CSMD2: variants seen among roughly 807,000 people sequenced by gnomAD.
CSMD2 encodes the protein CUB and Sushi multiple domains 2.
A neutral mutation model predicts 398.5 loss-of-function variants in CSMD2; 130 were observed. The ratio of observed to expected loss-of-function variants is 0.33; its 90% CI spans 0.28 to 0.38. The LOEUF is 0.38. Ranked by LOEUF, CSMD2 falls within the 10% of genes least tolerant of loss-of-function variation. The pLI, the probability that CSMD2 is intolerant of heterozygous loss-of-function variation, is 1.00. For synonymous variants in CSMD2, 1,828 were observed against 1,908.5 expected (o/e 0.96, Z 1.10); for missense variants, 3,829 against 4,764.9 (o/e 0.80, Z 5.78).
chr1:33,683,947 C>G (rs141761130), intron 25 of CSMD2, among the ~76,000 whole-genome samples: 154 of 152,304 alleles, frequency 1.0e-3, no homozygotes, highest in African/African-American at 3.4e-3. Context: ...CAGAAATAAA[C>G]CCTCTGGAAG....
At chr1:33,680,483 TCCCTTTGCAGA>T (rs1275096362) in intron 25 of CSMD2, among the ~76,000 whole-genome samples, 1 of 152,148 alleles carries the variant, frequency 6.6e-6, no homozygotes, top group African/African-American at 2.4e-5. Flanking sequence ...CTGTGTTTGC[TCCCTTTGCAGA>T]CCCTTTGCTC....
At chr1:33,899,080 G>A (rs574906118) in intron 5 of CSMD2, among the ~76,000 whole-genome samples, 2 of 152,354 alleles carry the variant, frequency 1.3e-5, no homozygotes, top group African/African-American at 2.4e-5. Flanking sequence ...GACCAGCAAC[G>A]AGAAGGACGT....
rs759716683 is a variant in CSMD2, at chr1:33,567,650, A to T, written c.8323T>A (p.Ser2775Thr). The change falls in exon 53 of 71, where the codon TCT (serine) becomes ACT (threonine). Residue 2775 changes from serine to threonine, a missense_variant. Ser to Thr is a moderately conservative substitution (Grantham distance 58). This residue lies in a region of CSMD2 where 917 missense variants were observed against 1,199.5 expected (regional missense o/e 0.76). Transcript: ENST00000373381. ...TGATCCTGCTGGCAGATGCGCACAG[A>T]CATGCCGATCAGGCGGAAGCCAGCA... Reference protein sequence around the residue: ...CNAGFRLIGMSVRICQQDHHW... With the variant: ...CNAGFRLIGMTVRICQQDHHW... 2 of 1,614,164 alleles carry T rather than the reference A, an allele frequency of 1.2e-6. No homozygotes were observed. Among genetic ancestry groups the T allele is most frequent in the South Asian group, 2.2e-5 (2 of 91,076 alleles).
At chr1:34,114,949 A>C (rs1375109401) in intron 1 of CSMD2, among the ~76,000 whole-genome samples, 2 of 152,186 alleles carry the variant, frequency 1.3e-5, no homozygotes, top group Admixed American at 6.5e-5. Context: ...AGACTATAAT[A>C]ACTGAATTTA....
intron 1 of CSMD2, among the ~76,000 whole-genome samples, chr1:34,159,061 C>T (rs562824050): frequency 6.6e-6 from 1 of 152,280 alleles, no homozygotes; most frequent in Admixed American, 6.5e-5. Context: ...GCCCTGGGCT[C>T]CAAACAACCT....
intron 5 of CSMD2, among the ~76,000 whole-genome samples, chr1:33,894,492 C>T (rs1642249367): frequency 6.6e-6 from 1 of 152,118 alleles, no homozygotes; most frequent in Non-Finnish European, 1.5e-5. Context: ...TGTATAAATA[C>T]CTCAGCTCCC....
chr1:34,104,934 T>C (rs796893973), intron 1 of CSMD2, among the ~76,000 whole-genome samples: 6 of 152,302 alleles, frequency 3.9e-5, no homozygotes, highest in African/African-American at 1.4e-4. Flanking sequence ...GCCCTTTGCC[T>C]CATACGCCCT....
chr1:33,922,061 T>C (rs1039627417), intron 4 of CSMD2, among the ~76,000 whole-genome samples: 1 of 152,082 alleles, frequency 6.6e-6, no homozygotes, highest in Non-Finnish European at 1.5e-5. Flanking sequence ...ACAGGGACGC[T>C]AGAGGAGACG....
chr1:33,616,652 G>T (rs559746322), intron 39 of CSMD2, among the ~76,000 whole-genome samples: 12 of 152,296 alleles, frequency 7.9e-5, no homozygotes, highest in African/African-American at 2.9e-4. Flanking sequence ...GAGCCAGAAC[G>T]GTCATCATCA....
chr1:33,869,780 C>T (rs979172870), intron 5 of CSMD2, among the ~76,000 whole-genome samples: 1 of 152,106 alleles, frequency 6.6e-6, no homozygotes, highest in African/African-American at 2.4e-5. Flanking sequence ...GTTAGCCCTC[C>T]CCACTCTCCC....
chr1:33,729,344 C>T (rs928780947), intron 15 of CSMD2, among the ~76,000 whole-genome samples: 6 of 152,098 alleles, frequency 3.9e-5, no homozygotes, highest in African/African-American at 1.4e-4. Context: ...TCCTGTGCAC[C>T]TGTGATTGTC....
At position 33,540,799 on chromosome 1, in the gene CSMD2, C is replaced by T. The variant is rs529226966; in HGVS notation, c.9458-101G>A. On this transcript the variant is annotated intron_variant, in intron 59 of 70. Coordinates refer to ENST00000373381, the MANE Select transcript of CSMD2 (RefSeq NM_001281956.2). ...CCGACTACCCTGCACCCACCTAGAGCCTGGGCTAAACAGGAAGAACCAGAA... is the reference window on the plus strand; with the variant it reads ...CCGACTACCCTGCACCCACCTAGAGTCTGGGCTAAACAGGAAGAACCAGAA... 11 of 1,366,428 alleles carry T rather than the reference C, an allele frequency of 8.1e-6. No homozygotes were observed. The Admixed American group carries it at 1.6e-4, about 20-fold the overall frequency. The allele number at this position is 1,366,428 out of a possible 1,614,324, so 84.6% of individuals were successfully genotyped here.
At chr1:34,124,569 T>C (rs1263474616) in intron 1 of CSMD2, among the ~76,000 whole-genome samples, 2 of 152,140 alleles carry the variant, frequency 1.3e-5, no homozygotes, top group East Asian at 3.9e-4. Flanking sequence ...TCCCCATTTG[T>C]CTTCTCATTG....
chr1:33,984,741 C>G (rs1231797611), intron 3 of CSMD2, among the ~76,000 whole-genome samples: 1 of 151,776 alleles, frequency 6.6e-6, no homozygotes, highest in Non-Finnish European at 1.5e-5. Flanking sequence ...TGAGATTTTT[C>G]CACTGCATTC....
chr1:33,661,734 T>C (rs568706102), intron 26 of CSMD2, among the ~76,000 whole-genome samples: 2 of 152,310 alleles, frequency 1.3e-5, no homozygotes, highest in Admixed American at 6.5e-5. Context: ...CGCTGCTAAA[T>C]GCTTATTTCC....
intron 14 of CSMD2, 65 bp downstream of exon 14, chr1:33,743,215 C>A: frequency 7.1e-7 from 1 of 1,417,664 alleles, no homozygotes; most frequent in East Asian, 2.4e-5. Flanking sequence ...ATGGGAGCAC[C>A]TTCGATCATC....
chr1:33,851,116 A>G (rs1018574879), intron 5 of CSMD2, among the ~76,000 whole-genome samples: 1 of 152,138 alleles, frequency 6.6e-6, no homozygotes, highest in Non-Finnish European at 1.5e-5. Context: ...GAAAACTGAC[A>G]TCTTCAGGAG....
intron 5 of CSMD2, among the ~76,000 whole-genome samples, chr1:33,874,163 C>G (rs750051875): frequency 2.8e-4 from 42 of 152,190 alleles, no homozygotes; most frequent in Non-Finnish European, 5.4e-4. Context: ...CATCACAGTG[C>G]TCTAAAATTT....
At chr1:33,677,476 G>A (rs1230134080) in intron 25 of CSMD2, among the ~76,000 whole-genome samples, 2 of 152,206 alleles carry the variant, frequency 1.3e-5, no homozygotes, top group Non-Finnish European at 2.9e-5. Context: ...TGGAGAGGAT[G>A]TGGAGAAATA....
Sources: allele counts gnomAD v4.1 joint callset (sites outside exome capture counted in the v4.1 genomes callset), GRCh38; gene constraint gnomAD v4.1.1; regional missense constraint gnomAD v4.1.1; transcripts MANE v1.5; gene names NCBI Gene and HGNC (gene_info 2026-07-23, HGNC 2026-07-21).